RALYL: variants seen among roughly 807,000 people sequenced by gnomAD.
RALYL encodes RNA-binding Raly-like protein.
In RALYL, 29 loss-of-function variants were observed where a neutral mutation model predicts 35.1. That is an observed-to-expected ratio of 0.83 (90% CI 0.61 to 1.13). The LOEUF is 1.13. Ranked by LOEUF, RALYL falls within the 50% of genes most tolerant of loss-of-function variation. The probability of loss-of-function intolerance (pLI) is 0.00; values close to 1 mark genes in which losing one functional copy is unlikely to be tolerated. For missense variants in RALYL, 359 were observed against 360.4 expected, an observed-to-expected ratio of 1.00 and a Z score of 0.03; for synonymous variants, 120 against 127.6, an observed-to-expected ratio of 0.94 and a Z score of 0.40.
intron 8 of RALYL, among the ~76,000 whole-genome samples, chr8:84,914,415 T>C (rs1291523196): frequency 6.6e-6 from 1 of 152,008 alleles, no homozygotes. Context: ...AAAACTACTA[T>C]AATCTATCAA....
chr8:84,535,372 C>G (rs1267058892), intron 2 of RALYL, among the ~76,000 whole-genome samples: 1 of 151,270 alleles, frequency 6.6e-6, no homozygotes, highest in Non-Finnish European at 1.5e-5. Context: ...AAAAGTTACT[C>G]TCATTGATTT....
At chr8:84,888,831 C>A (rs900994511) in intron 8 of RALYL, among the ~76,000 whole-genome samples, 1 of 152,092 alleles carries the variant, frequency 6.6e-6, no homozygotes. Flanking sequence ...CTCACTGCAA[C>A]CTCCGCCCCC....
chr8:84,213,161 C>T (rs996687799), intron 1 of RALYL, among the ~76,000 whole-genome samples: 13 of 152,070 alleles, frequency 8.5e-5, no homozygotes, highest in African/African-American at 2.4e-4. Context: ...GAGGCCGAGG[C>T]GGGCGGGTCA....
intron 1 of RALYL, among the ~76,000 whole-genome samples, chr8:84,325,256 G>A (rs1223998494): frequency 2.6e-5 from 4 of 152,096 alleles, no homozygotes; most frequent in Middle Eastern, 3.4e-3. Flanking sequence ...TCACCAAACC[G>A]TTCAGTTGCA....
At chr8:84,201,981 A>G (rs1398213854) in intron 1 of RALYL, among the ~76,000 whole-genome samples, 1 of 152,080 alleles carries the variant, frequency 6.6e-6, no homozygotes, top group Non-Finnish European at 1.5e-5. Context: ...AACCCTCACA[A>G]CAGGTGTTAG....
At chr8:84,196,880 T>C (rs910443701) in intron 1 of RALYL, among the ~76,000 whole-genome samples, 1 of 152,232 alleles carries the variant, frequency 6.6e-6, no homozygotes, top group African/African-American at 2.4e-5. Flanking sequence ...TAAATTTATC[T>C]TGATACTTAT....
chr8:84,341,151 C>A (rs1214860019), intron 1 of RALYL, among the ~76,000 whole-genome samples: 2 of 132,102 alleles, frequency 1.5e-5, no homozygotes, highest in Non-Finnish European at 3.2e-5. Flanking sequence ...TGTTTTCTAA[C>A]CAGGTGATTT....
intron 1 of RALYL, among the ~76,000 whole-genome samples, chr8:84,254,792 T>A (rs1586577278): frequency 6.9e-6 from 1 of 145,476 alleles, no homozygotes; most frequent in South Asian, 2.2e-4. Context: ...TCACCATGGC[T>A]GGGGAAGCTT....
chr8:84,479,398 G>T (rs895055829), intron 1 of RALYL, among the ~76,000 whole-genome samples: 1 of 152,074 alleles, frequency 6.6e-6, no homozygotes, highest in African/African-American at 2.4e-5. Flanking sequence ...GAAAGTTTGG[G>T]CAAACCATTT....
chr8:84,367,559 T>C (rs2131369545), intron 1 of RALYL, among the ~76,000 whole-genome samples: 1 of 151,814 alleles, frequency 6.6e-6, no homozygotes, highest in East Asian at 1.9e-4. Flanking sequence ...TTTATATCTG[T>C]CAGGAAAAAT....
chr8:84,450,203 T>G (rs1346772166), intron 1 of RALYL, among the ~76,000 whole-genome samples: 1 of 151,930 alleles, frequency 6.6e-6, no homozygotes, highest in African/African-American at 2.4e-5. Flanking sequence ...AAATATAATT[T>G]GGTTTTGATG....
At chr8:84,525,998 C>T (rs912658845) in intron 1 of RALYL, among the ~76,000 whole-genome samples, 1 of 130,364 alleles carries the variant, frequency 7.7e-6, no homozygotes, top group African/African-American at 3.0e-5. Context: ...CACTTTGTCA[C>T]TAGAATGCAG....
At chr8:84,564,709 C>T (rs929422195) in intron 2 of RALYL, among the ~76,000 whole-genome samples, 4 of 151,550 alleles carry the variant, frequency 2.6e-5, no homozygotes, top group African/African-American at 9.7e-5. Flanking sequence ...ATTGTCTGAA[C>T]ACCAGAAATA....
At chr8:84,232,389 A>C (rs1428442375) in intron 1 of RALYL, among the ~76,000 whole-genome samples, 2 of 152,144 alleles carry the variant, frequency 1.3e-5, no homozygotes, top group Non-Finnish European at 2.9e-5. Flanking sequence ...CAGACTTGCT[A>C]ATAATCTAAA....
chr8:84,522,842 G>A (rs1480479195), intron 1 of RALYL, among the ~76,000 whole-genome samples: 2 of 151,970 alleles, frequency 1.3e-5, no homozygotes, highest in Non-Finnish European at 2.9e-5. Context: ...ATTGCTGGTG[G>A]ACTCTCATGA....
intron 3 of RALYL, among the ~76,000 whole-genome samples, chr8:84,777,790 G>A (rs1343706663): frequency 1.3e-5 from 2 of 151,944 alleles, no homozygotes; most frequent in Middle Eastern, 3.4e-3. Flanking sequence ...TACAGGTGCC[G>A]GCCACCACAC....
At chr8:84,470,422 C>T (rs1272126085) in intron 1 of RALYL, among the ~76,000 whole-genome samples, 1 of 149,752 alleles carries the variant, frequency 6.7e-6, no homozygotes, top group Non-Finnish European at 1.5e-5. Context: ...AGGTGGTTTT[C>T]TTGAAAAGTG....
intron 1 of RALYL, among the ~76,000 whole-genome samples, chr8:84,512,426 T>G (rs888349441): frequency 2.0e-5 from 3 of 152,120 alleles, no homozygotes; most frequent in African/African-American, 7.2e-5. Context: ...TTGTTTAAAT[T>G]CCTTGTATAT....
intron 1 of RALYL, among the ~76,000 whole-genome samples, chr8:84,214,577 G>A (rs1292813747): frequency 6.6e-6 from 1 of 151,938 alleles, no homozygotes; most frequent in African/African-American, 2.4e-5. Flanking sequence ...ACTGTGAGAG[G>A]CAATTTAATA....
Sources: allele counts gnomAD v4.1 joint callset (sites outside exome capture counted in the v4.1 genomes callset), GRCh38; gene constraint gnomAD v4.1.1; transcripts MANE v1.5; gene names NCBI Gene and HGNC (gene_info 2026-07-23, HGNC 2026-07-21).